Variants in MCTP2 observed in about 807,000 individuals in gnomAD.
MCTP2 encodes the protein multiple C2 and transmembrane domain-containing protein 2.
In MCTP2, 132 loss-of-function variants were observed where a neutral mutation model predicts 111.6. The observed-to-expected ratio is 1.18, with a 90% CI of 1.03 to 1.37. The LOEUF (loss-of-function observed/expected upper bound fraction) is 1.37. Ranked by LOEUF, MCTP2 falls within the 40% of genes most tolerant of loss-of-function variation. The pLI, the probability that MCTP2 is intolerant of heterozygous loss-of-function variation, is 0.00. For synonymous variants in MCTP2, 395 were observed against 387.7 expected (o/e 1.02, Z -0.22); for missense variants, 1,183 against 1,067.9 (o/e 1.11, Z -1.50).
At chr15:94,240,797 A>G (rs2070892307) in intron 1 of MCTP2, among the ~76,000 whole-genome samples, 1 of 152,220 alleles carries the variant, frequency 6.6e-6, no homozygotes, top group East Asian at 1.9e-4. Flanking sequence ...TAGCAATCAC[A>G]TCTAAATATT....
intron 9 of MCTP2, among the ~76,000 whole-genome samples, chr15:94,357,265 A>G (rs954789307): frequency 2.0e-5 from 3 of 152,218 alleles, no homozygotes; most frequent in Non-Finnish European, 4.4e-5. Flanking sequence ...TTTATAAAAA[A>G]TGTGAAAATT....
At chr15:94,400,041 C>T in intron 16 of MCTP2, 46 bp downstream of exon 16, 1 of 1,515,922 alleles carries the variant, frequency 6.6e-7, no homozygotes, top group Non-Finnish European at 9.2e-7. Context: ...CACTCAGCAC[C>T]CAGCAGCTGA....
chr15:94,465,035 A>G (rs1436480232), intron 20 of MCTP2, among the ~76,000 whole-genome samples: 1 of 152,092 alleles, frequency 6.6e-6, no homozygotes, highest in Non-Finnish European at 1.5e-5. Flanking sequence ...TCAATTACTT[A>G]GATGTGTTTA....
intron 20 of MCTP2, among the ~76,000 whole-genome samples, chr15:94,459,541 A>G (rs1410320419): frequency 1.3e-5 from 2 of 152,216 alleles, no homozygotes; most frequent in African/African-American, 2.4e-5. Flanking sequence ...ACCCATTATT[A>G]ATATCTTAAG....
chr15:94,441,672 G>T (rs1240709146), intron 18 of MCTP2, among the ~76,000 whole-genome samples: 3 of 152,172 alleles, frequency 2.0e-5, no homozygotes, highest in Admixed American at 6.5e-5. Flanking sequence ...AGGGAGGCAA[G>T]AACTATTTTC....
At chr15:94,359,080 C>G (rs1185675872) in intron 10 of MCTP2, among the ~76,000 whole-genome samples, 1 of 152,116 alleles carries the variant, frequency 6.6e-6, no homozygotes, top group Admixed American at 6.6e-5. Context: ...CTTTTGGACC[C>G]TCTCAACTGA....
chr15:94,339,301 C>G lies in MCTP2; in HGVS notation c.649C>G (p.Pro217Ala). The G allele has an allele frequency of 6.2e-7, 1 of 1,603,224 alleles. No homozygotes were observed. Among genetic ancestry groups the G allele is most frequent in the African/African-American group, 1.3e-5 (1 of 74,376 alleles). ...VVRDRCGTSD[P>A]YVKFKLNGKT... ...TTTTCCTTTTAAAGGCACAAGTGAT[C>G]CTTATGTGAAATTTAAGCTGAATGG... Residue 217 changes from proline to alanine, a missense_variant, in exon 5 of 23, where the codon CCT (proline) becomes GCT (alanine). Pro to Ala is a conservative substitution (Grantham distance 27, BLOSUM62 -1). Transcript: ENST00000357742.
chr15:94,312,543 G>A (rs1253098804), intron 2 of MCTP2, among the ~76,000 whole-genome samples: 1 of 152,208 alleles, frequency 6.6e-6, no homozygotes, highest in African/African-American at 2.4e-5. Context: ...TATAGTGCCA[G>A]GGCCCTAGAA....
intron 17 of MCTP2, among the ~76,000 whole-genome samples, chr15:94,426,394 A>C (rs544830425): frequency 6.6e-6 from 1 of 152,176 alleles, no homozygotes; most frequent in East Asian, 1.9e-4. Flanking sequence ...TACCATATCT[A>C]TCTCTACTTG....
intron 1 of MCTP2, among the ~76,000 whole-genome samples, chr15:94,260,310 A>AC (rs2152281024): frequency 6.6e-6 from 1 of 151,964 alleles, no homozygotes; most frequent in South Asian, 2.1e-4. Flanking sequence ...GCTGCAGTCT[A>AC]CCCCCTGAGT....
intron 20 of MCTP2, among the ~76,000 whole-genome samples, chr15:94,461,966 A>G (rs962464542): frequency 2.0e-5 from 3 of 152,240 alleles, no homozygotes; most frequent in Admixed American, 6.5e-5. Flanking sequence ...TGAGGAAAGC[A>G]AACACAGGCT....
At chr15:94,286,737 C>A (rs2074775933) in intron 1 of MCTP2, among the ~76,000 whole-genome samples, 1 of 152,180 alleles carries the variant, frequency 6.6e-6, no homozygotes, top group Admixed American at 6.5e-5. Context: ...TGGCCAGTTG[C>A]TAGAGGCCAG....
intron 19 of MCTP2, among the ~76,000 whole-genome samples, chr15:94,457,708 A>G (rs1596784233): frequency 6.6e-6 from 1 of 152,244 alleles, no homozygotes; most frequent in East Asian, 1.9e-4. Flanking sequence ...TAGGAATCAT[A>G]CTACCTCTGT....
At chr15:94,444,121 G>A (rs1330613168) in intron 19 of MCTP2, among the ~76,000 whole-genome samples, 2 of 151,828 alleles carry the variant, frequency 1.3e-5, no homozygotes, top group African/African-American at 4.8e-5. Flanking sequence ...CCCCTTTCTT[G>A]GATTCAACAA....
At position 94,482,772 on chromosome 15, in the gene MCTP2, T is replaced by A. The variant is rs1003324058; in HGVS notation, c.*3738T>A. 6.6e-6 allele frequency: 1 copy of A among 152,056 alleles called. No individual in the cohort carries two copies. The highest frequency in any genetic ancestry group is 1.9e-4 in the East Asian group (1 of 5,188). 9.4% of individuals were successfully genotyped at this position (152,056 alleles called of 1,614,324 possible). A position where few individuals can be genotyped will look rare whatever the true frequency, so the allele number is the denominator to read the frequency against. ...TATAGAAAGGCAAGTCAGTTAAGAG[T>A]GTAAATAGAAACGGGTAAATACAGA... On this transcript the variant is annotated 3_prime_UTR_variant, in exon 23 of 23. Transcript: ENST00000357742.
At chr15:94,261,217 C>T (rs1410339796) in intron 1 of MCTP2, among the ~76,000 whole-genome samples, 1 of 152,138 alleles carries the variant, frequency 6.6e-6, no homozygotes, top group Non-Finnish European at 1.5e-5. Flanking sequence ...ATGTATAAAA[C>T]CAAGTTGTAC....
intron 4 of MCTP2, among the ~76,000 whole-genome samples, chr15:94,318,553 G>A (rs1362917544): frequency 6.6e-6 from 1 of 152,156 alleles, no homozygotes; most frequent in Non-Finnish European, 1.5e-5. Context: ...GATTACAGGT[G>A]TGAGCCACCA....
chr15:94,296,845 A>C (rs1205663451), intron 1 of MCTP2, among the ~76,000 whole-genome samples: 1 of 152,204 alleles, frequency 6.6e-6, no homozygotes, highest in Non-Finnish European at 1.5e-5. Flanking sequence ...TTGTCTGCAG[A>C]AGATACCAAG....
At chr15:94,276,204 A>G (rs1158868041) in intron 1 of MCTP2, among the ~76,000 whole-genome samples, 1 of 152,178 alleles carries the variant, frequency 6.6e-6, no homozygotes, top group African/African-American at 2.4e-5. Context: ...TCTATGCCAG[A>G]AAAAATAATA....
Sources: allele counts gnomAD v4.1 joint callset (sites outside exome capture counted in the v4.1 genomes callset), GRCh38; gene constraint gnomAD v4.1.1; transcripts MANE v1.5; gene names NCBI Gene and HGNC (gene_info 2026-07-23, HGNC 2026-07-21).